The following CNTNAP2 variants were observed in gnomAD, a reference collection of about 807,000 sequenced individuals.
The protein encoded by CNTNAP2 is contactin-associated protein-like 2.
Under a neutral mutation model 155.2 loss-of-function variants are expected in CNTNAP2, and 98 were observed. The ratio of observed to expected loss-of-function variants is 0.63; its 90% CI spans 0.54 to 0.75. CNTNAP2 has a LOEUF of 0.75. CNTNAP2 is among the 30% of genes least tolerant of loss of function. The pLI, the probability that CNTNAP2 is intolerant of heterozygous loss-of-function variation, is 0.00. For synonymous variants in CNTNAP2, 651 were observed against 631.2 expected, an observed-to-expected ratio of 1.03 and a Z score of -0.47; for missense variants, 1,727 against 1,688.1, an observed-to-expected ratio of 1.02 and a Z score of -0.40.
chr7:146,880,349 A>G (rs4596569), intron 3 of CNTNAP2, among the ~76,000 whole-genome samples: 55,677 of 151,542 alleles, frequency 0.37, 10,875 homozygotes, highest in East Asian at 0.49. Flanking sequence ...GAAGAACACC[A>G]AGAAGGTAGC....
chr7:148,111,547 A>T (rs1319044070), intron 15 of CNTNAP2, among the ~76,000 whole-genome samples: 3 of 152,088 alleles, frequency 2.0e-5, no homozygotes, highest in Non-Finnish European at 4.4e-5. Context: ...GAAAAAAAAA[A>T]ATCTAAAATA....
intron 12 of CNTNAP2, among the ~76,000 whole-genome samples, chr7:147,619,206 T>C (rs1282417281): frequency 1.3e-5 from 2 of 152,242 alleles, no homozygotes; most frequent in East Asian, 1.9e-4. Flanking sequence ...ATCCGTGGCT[T>C]ATTTGTGAAA....
Position 148,008,836 on chromosome 7 carries a change from C to T in CNTNAP2, c.2383+30847C>T, listed in dbSNP as rs369430533. 5.9e-5 allele frequency among the ~76,000 whole-genome samples: 9 copies of T among 152,194 alleles called. No individual in the cohort carries two copies. In the East Asian group the frequency reaches 1.7e-3, roughly 29 times the overall value. ...TCATCACTCTCTGTTTCTTGATGCA[C>T]TTTTATCTTAGTTAGCCAATTCTCC... On this transcript the variant is annotated intron_variant, in intron 15 of 23. Coordinates refer to ENST00000361727, the MANE Select transcript of CNTNAP2 (RefSeq NM_014141.6).
At chr7:146,691,463 A>C (rs1380727036) in intron 1 of CNTNAP2, among the ~76,000 whole-genome samples, 6 of 152,152 alleles carry the variant, frequency 3.9e-5, no homozygotes, top group African/African-American at 1.4e-4. Context: ...GTTCTATTAT[A>C]TAATAAAGCA....
chr7:147,730,709 A>C (rs989500991), intron 13 of CNTNAP2, among the ~76,000 whole-genome samples: 4 of 152,060 alleles, frequency 2.6e-5, no homozygotes, highest in African/African-American at 9.7e-5. Flanking sequence ...CACATCTGTC[A>C]CTTTAAATCA....
At chr7:147,532,851 C>G (rs1358107783) in intron 11 of CNTNAP2, among the ~76,000 whole-genome samples, 1 of 152,158 alleles carries the variant, frequency 6.6e-6, no homozygotes, top group African/African-American at 2.4e-5. Flanking sequence ...AGACCAGCCC[C>G]CATGATTCAA....
chr7:146,792,280 ACT>A (rs928299284), intron 2 of CNTNAP2, among the ~76,000 whole-genome samples: 51 of 152,150 alleles, frequency 3.4e-4, no homozygotes, highest in African/African-American at 1.2e-3. Context: ...AAAAAAAAAC[ACT>A]CTGCTACATG....
Position 146,284,323 on chromosome 7 carries a change from C to G in CNTNAP2, c.97+167350C>G, listed in dbSNP as rs561855144. Among the ~76,000 whole-genome samples, 308 of 151,848 alleles carry G rather than the reference C, an allele frequency of 2.0e-3. 3 individuals carry two copies. The highest frequency in any genetic ancestry group is 7.0e-3 in the African/African-American group (289 of 41,426). ...TTTCACCTGGTGGCTAAAATAACAC[C>G]AAAAACAATTTATAGACATTTTATA... On this transcript the variant is annotated intron_variant, in intron 1 of 23. Transcript: ENST00000361727.
chr7:148,340,351 C>T (rs1205406381), intron 21 of CNTNAP2, among the ~76,000 whole-genome samples: 1 of 152,132 alleles, frequency 6.6e-6, no homozygotes, highest in African/African-American at 2.4e-5. Context: ...ATATAGGTTC[C>T]TTGAATCATT....
At chr7:146,273,482 A>C (rs1034341002) in intron 1 of CNTNAP2, among the ~76,000 whole-genome samples, 2 of 152,168 alleles carry the variant, frequency 1.3e-5, no homozygotes, top group Admixed American at 6.6e-5. Context: ...GCTGTAACAC[A>C]AAATCAGCCA....
chr7:147,457,074 C>T (rs1008365994), intron 10 of CNTNAP2, among the ~76,000 whole-genome samples: 1 of 152,124 alleles, frequency 6.6e-6, no homozygotes, highest in Non-Finnish European at 1.5e-5. Context: ...TGGACCAGTA[C>T]TTTTCCTTTT....
At chr7:146,883,544 A>T (rs536757434) in intron 3 of CNTNAP2, among the ~76,000 whole-genome samples, 1 of 152,304 alleles carries the variant, frequency 6.6e-6, no homozygotes, top group East Asian at 1.9e-4. Flanking sequence ...TAGCTTAGAA[A>T]TTTAGGACAA....
At chr7:146,330,975 A>G (rs1801174660) in intron 1 of CNTNAP2, among the ~76,000 whole-genome samples, 1 of 152,180 alleles carries the variant, frequency 6.6e-6, no homozygotes, top group Non-Finnish European at 1.5e-5. Flanking sequence ...AATTGCCTGT[A>G]AGATATAAGC....
intron 1 of CNTNAP2, among the ~76,000 whole-genome samples, chr7:146,588,006 A>ATGTGTG (rs370352120): frequency 0.019 from 2,783 of 148,912 alleles, 88 homozygotes; most frequent in African/African-American, 0.059. Flanking sequence ...CCGTGTGTGT[A>ATGTGTG]TGTGTGTGTG....
In CNTNAP2 at chr7:146,584,681, C is replaced by T. The variant is rs554094104; in HGVS notation, c.98-189590C>T. Among the ~76,000 whole-genome samples the T allele has an allele frequency of 5.3e-5, 8 of 152,208 alleles. No homozygotes were observed. The South Asian group carries it at 1.0e-3, about 20-fold the overall frequency. On this transcript the variant is annotated intron_variant, in intron 1 of 23. Transcript: ENST00000361727. ...TAAGGAAGCTTTTTCTTCCAGAAGC[C>T]GGCCCTGCCCCTACATTTCCCCTGT...
intron 13 of CNTNAP2, among the ~76,000 whole-genome samples, chr7:147,879,103 A>C (rs545971528): frequency 6.6e-6 from 1 of 152,196 alleles, no homozygotes; most frequent in Non-Finnish European, 1.5e-5. Context: ...ACCCTTATAC[A>C]ATGTATGGTA....
chr7:148,217,487 C>T lies in CNTNAP2; in HGVS notation c.3210C>T (p.Phe1070=). 1 of 1,614,198 alleles carries T rather than the reference C, an allele frequency of 6.2e-7. No homozygotes were observed. Among genetic ancestry groups the T allele is most frequent in the South Asian group, 1.1e-5 (1 of 91,072 alleles). The change falls in exon 19 of 24, where the codon TTC becomes TTT. Residue 1070 remains phenylalanine (F), a synonymous_variant. Coordinates refer to ENST00000361727, the MANE Select transcript of CNTNAP2 (RefSeq NM_014141.6). The part of the protein sequence containing the change: ...APCILLYISS[F]TTDFLAVLVK... ...GCATTCTCCTCTACATCAGCTCCTT[C>T]ACCACAGACTTCTTGGCAGTCCTCG...
At chr7:147,869,730 C>T (rs180932750) in intron 13 of CNTNAP2, among the ~76,000 whole-genome samples, 230 of 151,850 alleles carry the variant, frequency 1.5e-3, no homozygotes, top group African/African-American at 5.3e-3. Context: ...TTCTAGCCTC[C>T]TTGCTTGATA....
chr7:147,433,254 A>G (rs1797495309), intron 10 of CNTNAP2, among the ~76,000 whole-genome samples: 1 of 152,194 alleles, frequency 6.6e-6, no homozygotes, highest in Non-Finnish European at 1.5e-5. Context: ...GTGGGCGAAT[A>G]ATTTGCATTC....
Sources: gnomAD v4.1 joint callset for allele counts (sites outside exome capture counted in the v4.1 genomes callset) on GRCh38, gnomAD v4.1.1 for gene constraint, MANE v1.5 for transcripts, NCBI Gene and HGNC (gene_info 2026-07-23, HGNC 2026-07-21) for gene names.